The following SCG3 variants were observed in gnomAD, a reference collection of about 807,000 sequenced individuals.
SCG3 encodes the protein secretogranin III, also known as secretogranin-3.
In SCG3, 38 loss-of-function variants were observed where a neutral mutation model predicts 56.2. The observed-to-expected ratio is 0.68, with a 90% confidence interval of 0.52 to 0.89. SCG3 has a LOEUF of 0.89. SCG3 is among the 40% of genes least tolerant of loss of function. SCG3 has a pLI of 0.00. For synonymous variants in SCG3, 176 were observed against 184.2 expected, an observed-to-expected ratio of 0.96 and a Z score of 0.36; for missense variants, 524 against 540.7, an observed-to-expected ratio of 0.97 and a Z score of 0.31.
chr15:51,711,948 G>T (rs1015639814), intron 10 of SCG3, among the ~76,000 whole-genome samples: 1 of 152,134 alleles, frequency 6.6e-6, no homozygotes, highest in Admixed American at 6.5e-5. Context: ...AGTCACTTAG[G>T]TAAATACAGT....
intron 4 of SCG3, among the ~76,000 whole-genome samples, chr15:51,685,330 T>C (rs1411486850): frequency 6.6e-6 from 1 of 152,202 alleles, no homozygotes; most frequent in African/African-American, 2.4e-5. Context: ...TAGCCTAATA[T>C]TGAGTTGGCT....
chr15:51,688,756 G>C (rs2055246864), intron 5 of SCG3, among the ~76,000 whole-genome samples: 1 of 152,162 alleles, frequency 6.6e-6, no homozygotes, highest in Non-Finnish European at 1.5e-5. Context: ...AGACATGTAT[G>C]TGACAAAAAA....
Position 51,701,088 on chromosome 15 carries a change from A to G in SCG3, c.1070-19A>G. 2 of 1,613,062 alleles carry G rather than the reference A, an allele frequency of 1.2e-6. No individual in the cohort carries two copies. Among genetic ancestry groups the G allele is most frequent in the Non-Finnish European group, 1.7e-6 (2 of 1,179,820 alleles). On this transcript the variant is annotated intron_variant, in intron 9 of 11. Coordinates refer to ENST00000220478, the MANE Select transcript of SCG3 (RefSeq NM_013243.4). Reference sequence around the variant, plus strand: ...GATAGGAAACAGGGCTATGACAACAATGCTCAATCTGATTACAGCACCATC... The same window carrying G: ...GATAGGAAACAGGGCTATGACAACAGTGCTCAATCTGATTACAGCACCATC...
chr15:51,718,909 G>T (rs995755528), intron 11 of SCG3, among the ~76,000 whole-genome samples: 1 of 151,792 alleles, frequency 6.6e-6, no homozygotes, highest in African/African-American at 2.4e-5. Context: ...AAGTCAGGAA[G>T]TCAGAACACC....
At position 51,692,345 on chromosome 15, in the gene SCG3, T is replaced by TG; in HGVS notation, c.868+10dup. 3 of 1,606,402 alleles carry TG rather than the reference T, an allele frequency of 1.9e-6. No homozygotes were observed. The highest frequency in any genetic ancestry group is 2.6e-6 in the Non-Finnish European group (3 of 1,175,076). On this transcript the variant is annotated intron_variant, in intron 7 of 11. Coordinates refer to ENST00000220478, the MANE Select transcript of SCG3 (RefSeq NM_013243.4). ...GAAAAGTATTGATTCAGGTAACCACTGTGTGGTTGTGATTATGTGGAACAG... is the reference window on the plus strand; with the variant it reads ...GAAAAGTATTGATTCAGGTAACCACTGGTGTGGTTGTGATTATGTGGAACAG...
chr15:51,687,338 G>A (rs1212302881), intron 4 of SCG3, among the ~76,000 whole-genome samples: 1 of 152,160 alleles, frequency 6.6e-6, no homozygotes, highest in Non-Finnish European at 1.5e-5. Flanking sequence ...CTTTCCAGAG[G>A]AAACAGGGAG....
At chr15:51,713,058 T>A in intron 10 of SCG3, 1 of 271,150 alleles carries the variant, frequency 3.7e-6, no homozygotes, top group South Asian at 4.1e-5. Flanking sequence ...GACATCAAGG[T>A]GGATTTATTT....
At chr15:51,714,302 A>T (rs2055439178) in intron 11 of SCG3, among the ~76,000 whole-genome samples, 1 of 152,202 alleles carries the variant, frequency 6.6e-6, no homozygotes, top group Non-Finnish European at 1.5e-5. Flanking sequence ...AAGAGCTGAG[A>T]AATCCATCTG....
In SCG3 at chr15:51,692,317, A is replaced by C. The variant is rs111419312; in HGVS notation, c.849A>C (p.Leu283=). ...AATATTTCCCAAATTTCTATGCGCTACTGAAAAGTATTGATTCAGGTAACC... is the reference window on the plus strand; with the variant it reads ...AATATTTCCCAAATTTCTATGCGCTCCTGAAAAGTATTGATTCAGGTAACC... ...ELQYFPNFYA[L]LKSIDSEKEA... is the part of the protein sequence containing the mutation. The change falls in exon 7 of 12, where the codon CTA becomes CTC. Residue 283 remains leucine (L), a synonymous_variant. Coordinates refer to ENST00000220478, the MANE Select transcript of SCG3 (RefSeq NM_013243.4). 39 of 1,613,522 alleles carry C rather than the reference A, an allele frequency of 2.4e-5. No homozygotes were observed. The African/African-American group carries it at 4.3e-4, about 18-fold the overall frequency.
chr15:51,702,553 G>A (rs894943924), intron 10 of SCG3, among the ~76,000 whole-genome samples: 2 of 152,058 alleles, frequency 1.3e-5, no homozygotes, highest in Non-Finnish European at 2.9e-5. Context: ...CACCGTGCTC[G>A]GCCATCTTCC....
rs2141586639 is a variant in SCG3, at chr15:51,720,021, T to A, written c.*495T>A. ...AAGTCTCATAGCTTTGGAGGAGCCA[T>A]CTGCTTTTTTGGCTGCTCTTTTTAG... is the stretch of plus-strand genomic sequence containing the variant. On this transcript the variant is annotated 3_prime_UTR_variant, in exon 12 of 12. Coordinates refer to ENST00000220478, the MANE Select transcript of SCG3 (RefSeq NM_013243.4). The A allele has an allele frequency of 1.3e-5, 2 of 152,636 alleles. No individual in the cohort carries two copies. The highest frequency in any genetic ancestry group is 2.4e-5 in the African/African-American group (1 of 41,588). 9.5% of individuals were successfully genotyped at this position (152,636 alleles called of 1,614,324 possible).
intron 10 of SCG3, among the ~76,000 whole-genome samples, chr15:51,706,220 G>A (rs1009870999): frequency 1.3e-5 from 2 of 152,164 alleles, no homozygotes; most frequent in Non-Finnish European, 2.9e-5. Flanking sequence ...TGGGTTTTCC[G>A]GGACAGTTAT....
intron 11 of SCG3, among the ~76,000 whole-genome samples, chr15:51,715,646 T>C (rs2055449707): frequency 6.6e-6 from 1 of 152,208 alleles, no homozygotes; most frequent in South Asian, 2.1e-4. Flanking sequence ...GTTAGCAAGA[T>C]GGCTACTGGC....
At chr15:51,719,281 C>A in intron 11 of SCG3, 127 bp from the exon 12 acceptor site, 1 of 672,790 alleles carries the variant, frequency 1.5e-6, no homozygotes. Flanking sequence ...TAAAATGCCT[C>A]CCGATGTGAA....
intron 8 of SCG3, 46 bp from the exon 9 acceptor site, chr15:51,699,273 C>A (rs1212924169): frequency 7.3e-7 from 1 of 1,366,528 alleles, no homozygotes; most frequent in South Asian, 1.2e-5. Context: ...AATTTGATGT[C>A]ATCTCTCAGG....
chr15:51,705,101 C>T (rs775185010), intron 10 of SCG3, among the ~76,000 whole-genome samples: 41 of 151,890 alleles, frequency 2.7e-4, no homozygotes, highest in Non-Finnish European at 1.0e-4. Context: ...CAGAGAACCA[C>T]GAATTGGGCA....
chr15:51,716,084 C>G (rs1346826156), intron 11 of SCG3, among the ~76,000 whole-genome samples: 1 of 152,132 alleles, frequency 6.6e-6, no homozygotes, highest in African/African-American at 2.4e-5. Context: ...GCCTCAATCT[C>G]GTGACCTCCT....
chr15:51,716,155 C>A (rs1259038766), intron 11 of SCG3, among the ~76,000 whole-genome samples: 1 of 152,228 alleles, frequency 6.6e-6, no homozygotes, highest in Non-Finnish European at 1.5e-5. Context: ...CCGCGCCCAG[C>A]AAGGCAGTGG....
chr15:51,696,923 T>G (rs1462692391), intron 8 of SCG3, among the ~76,000 whole-genome samples: 1 of 152,122 alleles, frequency 6.6e-6, no homozygotes, highest in Non-Finnish European at 1.5e-5. Flanking sequence ...ATATCAAAAC[T>G]ATACCAGATA....
Sources: gnomAD v4.1 joint callset for allele counts (sites outside exome capture counted in the v4.1 genomes callset) on GRCh38, gnomAD v4.1.1 for gene constraint, MANE v1.5 for transcripts, NCBI Gene and HGNC (gene_info 2026-07-23, HGNC 2026-07-21) for gene names.